The following MAB21L1 variants were observed in gnomAD, a reference collection of about 807,000 sequenced individuals.
MAB21L1 encodes mab-21 like 1, also known as putative nucleotidyltransferase MAB21L1.
A neutral mutation model predicts 28.9 loss-of-function variants in MAB21L1; 8 were observed. That is an observed-to-expected ratio of 0.28 (90% CI 0.16 to 0.50). The LOEUF (loss-of-function observed/expected upper bound fraction) is 0.50, where lower values mean the gene tolerates loss of function less well. Ranked by LOEUF, MAB21L1 falls within the 20% of genes least tolerant of loss-of-function variation. MAB21L1 has a pLI of 0.98. For synonymous variants in MAB21L1, 219 were observed against 198.2 expected, an observed-to-expected ratio of 1.10 and a Z score of -0.88; for missense variants, 388 against 466.5, an observed-to-expected ratio of 0.83 and a Z score of 1.55.
rs754812077 is a variant in MAB21L1 at position 35,474,902 on chromosome 13, G to A, written c.*157C>T. 7 of 918,174 alleles carry A rather than the reference G, an allele frequency of 7.6e-6. 1 individual carries two copies. The highest frequency in any genetic ancestry group is 3.1e-4 in the Middle Eastern group (1 of 3,264). The allele number at this position is 918,174 out of a possible 1,614,324, so 56.9% of individuals were successfully genotyped here. A position where few individuals can be genotyped will look rare whatever the true frequency, so the allele number is the denominator to read the frequency against. On this transcript the variant is annotated 3_prime_UTR_variant, in exon 1 of 1. Coordinates refer to ENST00000379919, the MANE Select transcript of MAB21L1 (RefSeq NM_005584.5). ...CCCCTACTTTTTCTCCCCTTGTGGG[G>A]GTGGGTGAGATGATGTTTAAATATT...
rs2075847643 is a variant in MAB21L1, at chr13:35,476,045, G to A, written c.94C>T (p.Arg32Trp). The A allele has an allele frequency of 1.2e-6, 2 of 1,614,056 alleles. No individual in the cohort carries two copies. Among genetic ancestry groups the A allele is most frequent in the Non-Finnish European group, 1.7e-6 (2 of 1,180,036 alleles). ...TCGGAAACTACTTTGCAGACTTCCC[G>A]GATAGTTTTGGCAATGGCAGCTTTC... ...ARKAAIAKTIREVCKVVSDVL... is the reference protein window; with the variant it reads ...ARKAAIAKTIWEVCKVVSDVL... The change falls in exon 1 of 1, where the codon CGG becomes TGG. Residue 32 changes from arginine to tryptophan, a missense_variant. By Grantham distance (101) the Arg-to-Trp change is moderately radical. Coordinates refer to ENST00000379919, the MANE Select transcript of MAB21L1 (RefSeq NM_005584.5).
chr13:35,474,963 G>T lies in MAB21L1; in HGVS notation c.*96C>A. 7.8e-7 allele frequency: 1 copy of T among 1,280,132 alleles called. No individual in the cohort carries two copies. The highest frequency in any genetic ancestry group is 1.1e-6 in the Non-Finnish European group (1 of 916,784). 79.3% of individuals were successfully genotyped at this position (1,280,132 alleles called of 1,614,324 possible). A position where few individuals can be genotyped will look rare whatever the true frequency, so the allele number is the denominator to read the frequency against. ...TCCTTTTTAAAGGAAGAGATTGTTTGCACTGCGGAGTGGAATATTAGGAAT... is the reference window on the plus strand; with the variant it reads ...TCCTTTTTAAAGGAAGAGATTGTTTTCACTGCGGAGTGGAATATTAGGAAT... On this transcript the variant is annotated 3_prime_UTR_variant, in exon 1 of 1. Transcript: ENST00000379919.
chr13:35,476,057 C>T lies in MAB21L1; in HGVS notation c.82G>A (p.Ala28Thr). The change falls in exon 1 of 1, where the codon GCC becomes ACC. Residue 28 changes from alanine (A) to threonine (T), a missense_variant. Around this residue, in one of 3 missense-constraint regions of MAB21L1, gnomAD observed 89 missense variants for 92.2 expected, o/e 0.97. Transcript: ENST00000379919. ...TTGCAGACTTCCCGGATAGTTTTGG[C>T]AATGGCAGCTTTCCTGGCTTGGCAT... ...EKCQARKAAIAKTIREVCKVV... is the reference protein window; with the variant it reads ...EKCQARKAAITKTIREVCKVV... 1 of 1,614,192 alleles carries T rather than the reference C, an allele frequency of 6.2e-7. No homozygotes were observed. The highest frequency in any genetic ancestry group is 1.3e-5 in the African/African-American group (1 of 75,044).
At position 35,474,793 on chromosome 13, in the gene MAB21L1, C is replaced by G; in HGVS notation, c.*266G>C. The G allele has an allele frequency of 2.4e-6, 1 of 419,698 alleles. No individual in the cohort carries two copies. Among genetic ancestry groups the G allele is most frequent in the Non-Finnish European group, 4.3e-6 (1 of 234,680 alleles). The allele number at this position is 419,698 out of a possible 1,614,324, so 26.0% of individuals were successfully genotyped here. On this transcript the variant is annotated 3_prime_UTR_variant, in exon 1 of 1. Coordinates refer to ENST00000379919, the MANE Select transcript of MAB21L1 (RefSeq NM_005584.5). ...CAGCTGGGCTGTTTACGGAGTGTTA[C>G]GGTGTACTTTTCAAGGGAGATAGGA...
In MAB21L1 at chr13:35,475,605, C is replaced by A. The variant is rs746050246; in HGVS notation, c.534G>T (p.Gly178=). 6.2e-7 allele frequency: 1 copy of A among 1,613,674 alleles called. No homozygotes were observed. ...VQITPAFKCT[G]IWPRSAAHWP... ...AGTGGGCAGCACTCCTCGGCCAGATCCCGGTGCATTTAAAGGCCGGCGTGA... is the reference window on the plus strand; with the variant it reads ...AGTGGGCAGCACTCCTCGGCCAGATACCGGTGCATTTAAAGGCCGGCGTGA... The change falls in exon 1 of 1, where the codon GGG becomes GGT. Residue 178 remains glycine, a synonymous_variant. Transcript: ENST00000379919.
Position 35,475,278 on chromosome 13 carries a change from T to C in MAB21L1, c.861A>G (p.Arg287=), listed in dbSNP as rs767794089. 2 of 1,614,056 alleles carry C rather than the reference T, an allele frequency of 1.2e-6. No individual in the cohort carries two copies. The highest frequency in any genetic ancestry group is 2.2e-5 in the South Asian group (2 of 91,064). Residue 287 remains arginine, a synonymous_variant, in exon 1 of 1, where the codon CGA becomes CGG. Transcript: ENST00000379919. Reference sequence around the variant, plus strand: ...GGCAAGACTCGTCCCAGTCCGACTCTCGGGGATGCTTTTCACACTCGTAGG... The same window carrying C: ...GGCAAGACTCGTCCCAGTCCGACTCCCGGGGATGCTTTTCACACTCGTAGG... The part of the protein sequence containing the change: ...LVSYECEKHP[R]ESDWDESCLG...
rs1274463578 is a variant in MAB21L1 at position 35,473,936 on chromosome 13, CA to C, written c.*1122del. ...TGATAGACTTTTTTTCTTATATTAT[CA>C]AAAATGCTACAAGAAGAGCAAGCTT... On this transcript the variant is annotated 3_prime_UTR_variant, in exon 1 of 1. Coordinates refer to ENST00000379919, the MANE Select transcript of MAB21L1 (RefSeq NM_005584.5). Among the ~76,000 whole-genome samples the C allele has an allele frequency of 6.6e-6, 1 of 151,982 alleles. No individual in the cohort carries two copies. Among genetic ancestry groups the C allele is most frequent in the Non-Finnish European group, 1.5e-5 (1 of 67,972 alleles).
rs878900563 is a variant in MAB21L1, at chr13:35,476,433, C to G, written c.-295G>C. 6 of 946,626 alleles carry G rather than the reference C, an allele frequency of 6.3e-6. No individual in the cohort carries two copies. Among genetic ancestry groups the G allele is most frequent in the South Asian group, 4.2e-5 (3 of 71,322 alleles). The allele number at this position is 946,626 out of a possible 1,614,324, so 58.6% of individuals were successfully genotyped here. ...CTCCCCCCTCTGCTTGTCTCTCTTC[C>G]TCTTTTAAAGAATCCTTGTGTGAGA... On this transcript the variant is annotated 5_prime_UTR_variant, in exon 1 of 1. Coordinates refer to ENST00000379919, the MANE Select transcript of MAB21L1 (RefSeq NM_005584.5).
At position 35,475,345 on chromosome 13, in the gene MAB21L1, G is replaced by A. The variant is rs754220535; in HGVS notation, c.794C>T (p.Pro265Leu). The A allele has an allele frequency of 6.2e-7, 1 of 1,613,964 alleles. No individual in the cohort carries two copies. The highest frequency in any genetic ancestry group is 8.5e-7 in the Non-Finnish European group (1 of 1,179,994). The change falls in exon 1 of 1, where the codon CCG (proline) becomes CTG (leucine). Residue 265 changes from proline (P) to leucine (L), a missense_variant. Physicochemically the swap from Pro to Leu is moderately conservative, Grantham distance 98 (BLOSUM62 -3). Around this residue, in one of 3 missense-constraint regions of MAB21L1, gnomAD observed 218 missense variants for 220.6 expected, o/e 0.99. Transcript: ENST00000379919. ...KTLRDRHLEL[P>L]GQPLNNYHMK... ...ATGGTAATTGTTCAAGGGCTGGCCC[G>A]GCAGTTCAAGGTGACGATCCCTTAA...
chr13:35,475,296 C>T lies in MAB21L1; in HGVS notation c.843G>A (p.Glu281=), dbSNP rs755507299. ...NYHMKTLVSY[E]CEKHPRESDW... ...CCGACTCTCGGGGATGCTTTTCACACTCGTAGGAAACCAGAGTCTTCATAT... is the reference window on the plus strand; with the variant it reads ...CCGACTCTCGGGGATGCTTTTCACATTCGTAGGAAACCAGAGTCTTCATAT... Residue 281 remains glutamate (E), a synonymous_variant, in exon 1 of 1, where the codon GAG becomes GAA. Transcript: ENST00000379919. The T allele has an allele frequency of 1.2e-6, 2 of 1,613,950 alleles. No homozygotes were observed. Among genetic ancestry groups the T allele is most frequent in the Admixed American group, 3.3e-5 (2 of 59,988 alleles).
Position 35,475,856 on chromosome 13 carries a change from G to T in MAB21L1, c.283C>A (p.Pro95Thr), listed in dbSNP as rs1185345453. The T allele has an allele frequency of 6.2e-7, 1 of 1,614,034 alleles. No individual in the cohort carries two copies. Among genetic ancestry groups the T allele is most frequent in the Non-Finnish European group, 8.5e-7 (1 of 1,180,010 alleles). ...CTCAACTTCAGCACCGCGCAGCCGGGCAGTGAGCCATCGTCCACGAAGTTG... is the reference window on the plus strand; with the variant it reads ...CTCAACTTCAGCACCGCGCAGCCGGTCAGTGAGCCATCGTCCACGAAGTTG... ...VFNFVDDGSL[P>T]GCAVLKLSDG... Residue 95 changes from proline to threonine, a missense_variant, in exon 1 of 1, where the codon CCC becomes ACC. This residue lies in a region of MAB21L1 where 81 missense variants were observed against 153.7 expected (regional missense o/e 0.53). Coordinates refer to ENST00000379919, the MANE Select transcript of MAB21L1 (RefSeq NM_005584.5).
In MAB21L1 at chr13:35,475,251, C is replaced by T. The variant is rs1193309437; in HGVS notation, c.888G>A (p.Leu296=). 6.2e-7 allele frequency: 1 copy of T among 1,613,986 alleles called. No homozygotes were observed. The highest frequency in any genetic ancestry group is 2.2e-5 in the East Asian group (1 of 44,850). The part of the protein sequence containing the change: ...PRESDWDESC[L]GDRLNGILLQ... Reference sequence around the variant, plus strand: ...GCAAAATCCCGTTCAGCCGATCACCCAGGCAAGACTCGTCCCAGTCCGACT... The same window carrying T: ...GCAAAATCCCGTTCAGCCGATCACCTAGGCAAGACTCGTCCCAGTCCGACT... The change falls in exon 1 of 1, where the codon CTG becomes CTA. Residue 296 remains leucine (L), a synonymous_variant. Coordinates refer to ENST00000379919, the MANE Select transcript of MAB21L1 (RefSeq NM_005584.5).
chr13:35,476,263 A>C lies in MAB21L1; in HGVS notation c.-125T>G. On this transcript the variant is annotated 5_prime_UTR_variant, in exon 1 of 1. It adds an upstream start codon to the 5' untranslated region. Transcript: ENST00000379919. ...CCGCAACACTCAGAAATGGATCAAA[A>C]ATGCCTTTCGGAAGTGCTGCAGCGT... is the stretch of plus-strand genomic sequence containing the variant. 6.7e-7 allele frequency: 1 copy of C among 1,496,916 alleles called. No individual in the cohort carries two copies. Among genetic ancestry groups the C allele is most frequent in the Non-Finnish European group, 9.2e-7 (1 of 1,083,166 alleles). 92.7% of individuals were successfully genotyped at this position (1,496,916 alleles called of 1,614,324 possible). A position where few individuals can be genotyped will look rare whatever the true frequency, so the allele number is the denominator to read the frequency against.
rs1333116212 is a variant in MAB21L1 at position 35,474,107 on chromosome 13, T to C, written c.*952A>G. 6.6e-6 allele frequency: 1 copy of C among 152,430 alleles called. No individual in the cohort carries two copies. The highest frequency in any genetic ancestry group is 1.9e-4 in the East Asian group (1 of 5,182). The allele number at this position is 152,430 out of a possible 1,614,324, so 9.4% of individuals were successfully genotyped here. ...TATTTTTAAGGATTTCATTAGCATA[T>C]TTCTCAAAATATTTAAGATATTCAA... On this transcript the variant is annotated 3_prime_UTR_variant, in exon 1 of 1. Coordinates refer to ENST00000379919, the MANE Select transcript of MAB21L1 (RefSeq NM_005584.5).
In MAB21L1 at chr13:35,475,544, G is replaced by A; in HGVS notation, c.595C>T (p.Arg199Trp). Reference protein sequence around the residue: ...LPHIPWPGPNRVAEVKAEGFN... With the variant: ...LPHIPWPGPNWVAEVKAEGFN... ...CCTTCCGCCTTGACCTCCGCCACCC[G>A]GTTGGGTCCCGGCCAGGGGATGTGG... The change falls in exon 1 of 1, where the codon CGG (arginine) becomes TGG (tryptophan). Residue 199 changes from arginine to tryptophan, a missense_variant. Around this residue, in one of 3 missense-constraint regions of MAB21L1, gnomAD observed 218 missense variants for 220.6 expected, o/e 0.99. Coordinates refer to ENST00000379919, the MANE Select transcript of MAB21L1 (RefSeq NM_005584.5). 1.2e-6 allele frequency: 2 copies of A among 1,613,196 alleles called. No homozygotes were observed. Among genetic ancestry groups the A allele is most frequent in the Non-Finnish European group, 1.7e-6 (2 of 1,179,940 alleles).
Position 35,475,360 on chromosome 13 carries a change from C to T in MAB21L1, c.779G>A (p.Arg260His). The T allele has an allele frequency of 3.1e-6, 5 of 1,613,902 alleles. No homozygotes were observed. In the South Asian group the frequency reaches 4.4e-5, roughly 14 times the overall value. Reference protein sequence around the residue: ...CLSILKTLRDRHLELPGQPLN... With the variant: ...CLSILKTLRDHHLELPGQPLN... ...GGGCTGGCCCGGCAGTTCAAGGTGA[C>T]GATCCCTTAAGGTTTTGAGGATGGA... Residue 260 changes from arginine (R) to histidine (H), a missense_variant, in exon 1 of 1, where the codon CGT (arginine) becomes CAT (histidine). By Grantham distance (29) the Arg-to-His change is conservative. Transcript: ENST00000379919.
chr13:35,475,073 A>G lies in MAB21L1; in HGVS notation c.1066T>C (p.Leu356=), dbSNP rs373782242. The change falls in exon 1 of 1, where the codon TTG becomes CTG. Residue 356 remains leucine, a synonymous_variant. Transcript: ENST00000379919. ...TAAATCATCCTCTAAAGTTTTTCCA[A>G]ACTTTTCGGGTTGGTCAGGATCTCT... is the stretch of plus-strand genomic sequence containing the variant. ...AREILTNPKS[L]EKL 8.7e-6 allele frequency: 14 copies of G among 1,610,950 alleles called. No individual in the cohort carries two copies. The Admixed American group carries it at 1.8e-4, about 21-fold the overall frequency.
chr13:35,475,130 T>C lies in MAB21L1; in HGVS notation c.1009A>G (p.Asn337Asp). The change falls in exon 1 of 1, where the codon AAC becomes GAC. Residue 337 changes from asparagine to aspartate, a missense_variant. This residue lies in a region of MAB21L1 where 218 missense variants were observed against 220.6 expected (regional missense o/e 0.99). Coordinates refer to ENST00000379919, the MANE Select transcript of MAB21L1 (RefSeq NM_005584.5). The stretch of plus-strand genomic sequence containing the variant: ...AGTCGCCACGTTTGTTTGGCAGCGT[T>C]TTCCAGAGCTGAGTGAGGTTTGCCT... The part of the protein sequence containing the change: ...FQGKPHSALE[N>D]AAKQTWRLAR... 6.2e-7 allele frequency: 1 copy of C among 1,614,116 alleles called. No individual in the cohort carries two copies. Among genetic ancestry groups the C allele is most frequent in the Non-Finnish European group, 8.5e-7 (1 of 1,180,024 alleles).
At position 35,476,472 on chromosome 13, in the gene MAB21L1, A is replaced by T. The variant is rs2075878727; in HGVS notation, c.-334T>A. 1.3e-6 allele frequency: 1 copy of T among 783,658 alleles called. No individual in the cohort carries two copies. Among genetic ancestry groups the T allele is most frequent in the African/African-American group, 1.7e-5 (1 of 58,396 alleles). The allele number at this position is 783,658 out of a possible 1,614,324, so 48.5% of individuals were successfully genotyped here. A position where few individuals can be genotyped will look rare whatever the true frequency, so the allele number is the denominator to read the frequency against. On this transcript the variant is annotated 5_prime_UTR_variant, in exon 1 of 1. Coordinates refer to ENST00000379919, the MANE Select transcript of MAB21L1 (RefSeq NM_005584.5). ...CCTTGTGTGAGAGAACCGCATGGAG[A>T]GATCACCTTCTCAGGAATAAAAAAC...
Sources: gnomAD v4.1 joint callset for allele counts (sites outside exome capture counted in the v4.1 genomes callset) on GRCh38, gnomAD v4.1.1 for gene constraint, gnomAD v4.1.1 regional missense constraint, MANE v1.5 for transcripts, NCBI Gene and HGNC (gene_info 2026-07-23, HGNC 2026-07-21) for gene names.